The following PRKCE variants were observed in gnomAD, a reference collection of about 807,000 sequenced individuals.
The protein encoded by PRKCE is protein kinase C epsilon.
In PRKCE, 16 loss-of-function variants were observed where a neutral mutation model predicts 85.4. That is an observed-to-expected ratio of 0.19 (90% CI 0.13 to 0.28). The LOEUF is 0.28. PRKCE is among the 10% of genes least tolerant of loss of function. PRKCE has a pLI of 1.00. For missense variants in PRKCE, 573 were observed against 975.2 expected (o/e 0.59, Z 5.49); for synonymous variants, 388 against 371.5 (o/e 1.04, Z -0.51).
chr2:45,797,704 C>G lies in PRKCE; in HGVS notation c.349-45296C>G, dbSNP rs548247115. 3.9e-5 allele frequency among the ~76,000 whole-genome samples: 6 copies of G among 152,358 alleles called. No homozygotes were observed. In the South Asian group the frequency reaches 1.0e-3, roughly 26 times the overall value. On this transcript the variant is annotated intron_variant, in intron 1 of 14. Transcript: ENST00000306156. ...GCAGAGGATGGCTGGAGTCCACATG[C>G]TCAGGAAGGACTGCATTGCACTTCA...
intron 1 of PRKCE, among the ~76,000 whole-genome samples, chr2:45,821,460 TG>T (rs1224197234): frequency 6.6e-6 from 1 of 152,112 alleles, no homozygotes; most frequent in Non-Finnish European, 1.5e-5. Flanking sequence ...GGAACCTACC[TG>T]GGGACTAGTA....
intron 14 of PRKCE, among the ~76,000 whole-genome samples, chr2:46,179,281 A>G (rs1679736372): frequency 6.6e-6 from 1 of 152,218 alleles, no homozygotes; most frequent in Non-Finnish European, 1.5e-5. Context: ...TGACGTCAGC[A>G]CAGTGAGGGC....
At chr2:46,172,091 G>T (rs1287312420) in intron 14 of PRKCE, among the ~76,000 whole-genome samples, 2 of 152,356 alleles carry the variant, frequency 1.3e-5, no homozygotes, top group Admixed American at 6.5e-5. Context: ...CTCTTGGAGG[G>T]CCAGTGGGCT....
At chr2:45,789,162 C>T (rs7600455) in intron 1 of PRKCE, among the ~76,000 whole-genome samples, 27,292 of 151,966 alleles carry the variant, frequency 0.18, 3,115 homozygotes, top group Non-Finnish European at 0.24. Context: ...CACTTTGGGA[C>T]GCTGAAGCAG....
At chr2:45,775,008 T>C (rs1229549915) in intron 1 of PRKCE, among the ~76,000 whole-genome samples, 1 of 152,160 alleles carries the variant, frequency 6.6e-6, no homozygotes, top group Non-Finnish European at 1.5e-5. Flanking sequence ...TACAAGTGGA[T>C]TCCTCTGCCT....
At chr2:46,012,571 G>A (rs1705775637) in intron 10 of PRKCE, among the ~76,000 whole-genome samples, 1 of 152,074 alleles carries the variant, frequency 6.6e-6, no homozygotes, top group Non-Finnish European at 1.5e-5. Context: ...CACTATCTGA[G>A]GTGGCTTTCC....
chr2:45,958,820 T>TA (rs1701186091), intron 2 of PRKCE, among the ~76,000 whole-genome samples: 1 of 7,870 alleles, frequency 1.3e-4, no homozygotes, highest in Non-Finnish European at 2.2e-4. Context: ...ATATATATTT[T>TA]TTTTTTTTTT....
In PRKCE at chr2:46,150,281, A is replaced by G. The variant is rs539174359; in HGVS notation, c.1732-760A>G. Among the ~76,000 whole-genome samples, 340 of 152,342 alleles carry G rather than the reference A, an allele frequency of 2.2e-3. 1 individual carries two copies. Among genetic ancestry groups the G allele is most frequent in the African/African-American group, 7.3e-3 (305 of 41,574 alleles). On this transcript the variant is annotated intron_variant, in intron 12 of 14. Transcript: ENST00000306156. The stretch of plus-strand genomic sequence containing the variant: ...AGACAAGTGACCATTGTCAAAGACA[A>G]AATGCACCAGACAATCAAGGAGATG...
intron 2 of PRKCE, among the ~76,000 whole-genome samples, chr2:45,938,468 A>G (rs72802826): frequency 0.045 from 6,880 of 152,230 alleles, 225 homozygotes; most frequent in East Asian, 0.14. Context: ...TACCCACTCT[A>G]TAGATATCCC....
At chr2:45,996,675 C>A (rs1436117127) in intron 6 of PRKCE, among the ~76,000 whole-genome samples, 1 of 152,018 alleles carries the variant, frequency 6.6e-6, no homozygotes, top group Non-Finnish European at 1.5e-5. Flanking sequence ...GCCTTGCTTG[C>A]CTGGGATAAA....
chr2:45,922,727 C>G (rs1312417255), intron 2 of PRKCE, among the ~76,000 whole-genome samples: 1 of 152,142 alleles, frequency 6.6e-6, no homozygotes. Context: ...TCCTCTGGCT[C>G]GTGTTGCTAA....
chr2:45,794,853 C>A (rs1056001642), intron 1 of PRKCE, among the ~76,000 whole-genome samples: 2 of 151,054 alleles, frequency 1.3e-5, no homozygotes, highest in Admixed American at 6.6e-5. Context: ...CTACCCCCCC[C>A]CCCATCCACC....
chr2:46,122,273 C>T (rs1219463050), intron 11 of PRKCE, among the ~76,000 whole-genome samples: 1 of 152,128 alleles, frequency 6.6e-6, no homozygotes, highest in Admixed American at 6.5e-5. Flanking sequence ...GTTCTGTCAT[C>T]CAGGGTGGAG....
intron 11 of PRKCE, among the ~76,000 whole-genome samples, chr2:46,092,328 TC>T (rs573486731): frequency 1.4e-4 from 21 of 151,960 alleles, no homozygotes; most frequent in Admixed American, 1.4e-3. Flanking sequence ...AGACTCTTCC[TC>T]CTTAGATTCT....
intron 1 of PRKCE, among the ~76,000 whole-genome samples, chr2:45,655,846 GAAAAAAAAAAAAA>G (rs34853762): frequency 7.5e-5 from 5 of 66,260 alleles, no homozygotes; most frequent in African/African-American, 2.7e-4. Context: ...CCTGTCTCTT[GAAAAAAAAAAAAA>G]AAAAAAAAAA....
chr2:45,857,402 G>A (rs941971980), intron 2 of PRKCE, among the ~76,000 whole-genome samples: 4 of 152,160 alleles, frequency 2.6e-5, no homozygotes, highest in Admixed American at 6.5e-5. Context: ...AAATGTTCAC[G>A]TGATCATCTG....
At chr2:46,088,321 T>A (rs916369337) in intron 11 of PRKCE, among the ~76,000 whole-genome samples, 1 of 152,188 alleles carries the variant, frequency 6.6e-6, no homozygotes, top group African/African-American at 2.4e-5. Flanking sequence ...GCTTCTGCCC[T>A]CATTTGCACC....
intron 10 of PRKCE, among the ~76,000 whole-genome samples, chr2:46,064,276 G>C (rs1487447275): frequency 1.0e-5 from 1 of 95,278 alleles, no homozygotes; most frequent in Non-Finnish European, 1.9e-5. Context: ...GTGAGACTCT[G>C]TCTCAAAAAA....
At chr2:46,006,179 A>G (rs1431259133) in intron 8 of PRKCE, among the ~76,000 whole-genome samples, 1 of 152,254 alleles carries the variant, frequency 6.6e-6, no homozygotes, top group Non-Finnish European at 1.5e-5. Flanking sequence ...GAACAGAAAT[A>G]AGACATAGTT....
Sources: allele counts gnomAD v4.1 joint callset (sites outside exome capture counted in the v4.1 genomes callset), GRCh38; gene constraint gnomAD v4.1.1; transcripts MANE v1.5; gene names NCBI Gene and HGNC (gene_info 2026-07-23, HGNC 2026-07-21).